Variants in ABCD2 observed in about 807,000 individuals in gnomAD.
ABCD2 encodes ATP-binding cassette sub-family D member 2.
Under a neutral mutation model 70.9 loss-of-function variants are expected in ABCD2, and 36 were observed. That is an observed-to-expected ratio of 0.51 (90% CI 0.39 to 0.67). ABCD2 has a LOEUF of 0.67. ABCD2 is among the 30% of genes least tolerant of loss of function. The pLI, the probability that ABCD2 is intolerant of heterozygous loss-of-function variation, is 0.00. For missense variants in ABCD2, 729 were observed against 890.2 expected, an observed-to-expected ratio of 0.82 and a Z score of 2.30; for synonymous variants, 304 against 306.9, an observed-to-expected ratio of 0.99 and a Z score of 0.10.
At chr12:39,598,265 G>T (rs926898682) in intron 6 of ABCD2, among the ~76,000 whole-genome samples, 1 of 151,940 alleles carries the variant, frequency 6.6e-6, no homozygotes, top group East Asian at 1.9e-4. Flanking sequence ...GAATACAGGG[G>T]GATTATTGTA....
the ABCD2 span, among the ~76,000 whole-genome samples, chr12:39,538,277 C>T: frequency 6.7e-6 from 1 of 150,202 alleles, no homozygotes; most frequent in East Asian, 2.0e-4. Flanking sequence ...TCAAGCGATT[C>T]TCCTGTCTCA....
the ABCD2 span, among the ~76,000 whole-genome samples, chr12:39,531,729 T>A: frequency 6.6e-6 from 1 of 152,248 alleles, no homozygotes; most frequent in African/African-American, 2.4e-5. Flanking sequence ...GGAATCATGC[T>A]TTTTTGTGAG....
At chr12:39,612,707 A>C (rs1442175447) in intron 2 of ABCD2, among the ~76,000 whole-genome samples, 1 of 152,232 alleles carries the variant, frequency 6.6e-6, no homozygotes, top group Admixed American at 6.5e-5. Flanking sequence ...TCATTGGTCA[A>C]AAAGAGTACA....
intron 5 of ABCD2, among the ~76,000 whole-genome samples, chr12:39,602,127 T>TTTTATTTATTTA (rs78767678): frequency 0.013 from 1,941 of 145,276 alleles, 53 homozygotes; most frequent in African/African-American, 0.043. Flanking sequence ...TTTTTAAAAA[T>TTTTATTTATTTA]TTTATTTATT....
chr12:39,591,172 T>A (rs1261108294), intron 6 of ABCD2, among the ~76,000 whole-genome samples: 1 of 152,186 alleles, frequency 6.6e-6, no homozygotes, highest in African/African-American at 2.4e-5. Context: ...TAACTATCAA[T>A]AATTCACATA....
chr12:39,560,857 T>C (rs186318705), intron 9 of ABCD2, among the ~76,000 whole-genome samples: 74 of 152,180 alleles, frequency 4.9e-4, no homozygotes, highest in East Asian at 1.5e-3. Flanking sequence ...CTATAAGATG[T>C]TTTTGGTAAG....
At chr12:39,548,223 G>A (rs551532503), downstream of ABCD2, among the ~76,000 whole-genome samples, 1 of 152,174 alleles carries the variant, frequency 6.6e-6, no homozygotes, top group Admixed American at 6.6e-5. Flanking sequence ...CCACCTGTAG[G>A]CTAATGTAAT....
chr12:39,607,561 T>G, intron 3 of ABCD2, 38 bp downstream of exon 3: 1 of 1,481,022 alleles, frequency 6.8e-7, no homozygotes, highest in Non-Finnish European at 9.3e-7. Context: ...TTTCATAAAT[T>G]TTATTTTAAT....
At chr12:39,532,592 GC>G in the ABCD2 span, among the ~76,000 whole-genome samples, 4 of 152,076 alleles carry the variant, frequency 2.6e-5, no homozygotes, top group Admixed American at 2.0e-4. Flanking sequence ...AAGCTATTCT[GC>G]AGAAATACAC....
rs78313932 is a variant in ABCD2 at position 39,608,853 on chromosome 12, T to G, written c.1121-1139A>C. On this transcript the variant is annotated intron_variant, in intron 2 of 9. Transcript: ENST00000308666. The stretch of plus-strand genomic sequence containing the variant: ...TGCAAATTAGCTGATTCTCATAATC[T>G]AGCCTCTGTCTACCTTTCTCAACCA... Among the ~76,000 whole-genome samples the G allele has an allele frequency of 2.4e-3, 372 of 152,306 alleles. 3 individuals are homozygous for G. Among genetic ancestry groups the G allele is most frequent in the African/African-American group, 8.5e-3 (352 of 41,576 alleles).
chr12:39,596,584 A>G (rs533731267), intron 6 of ABCD2, among the ~76,000 whole-genome samples: 2 of 152,274 alleles, frequency 1.3e-5, no homozygotes, highest in Non-Finnish European at 1.5e-5. Flanking sequence ...CTCAGACTCC[A>G]AAGTCATGGG....
chr12:39,602,824 A>G (rs955971808), intron 5 of ABCD2, among the ~76,000 whole-genome samples: 2 of 152,180 alleles, frequency 1.3e-5, no homozygotes, highest in African/African-American at 2.4e-5. Flanking sequence ...TAAATAGAGC[A>G]ACAAGAATCA....
chr12:39,564,108 A>G (rs1941304076), intron 9 of ABCD2, among the ~76,000 whole-genome samples: 1 of 152,290 alleles, frequency 6.6e-6, no homozygotes, highest in South Asian at 2.1e-4. Context: ...GTGTCTTTAT[A>G]GCAGCATGAT....
intron 8 of ABCD2, among the ~76,000 whole-genome samples, chr12:39,577,968 A>T (rs1235565953): frequency 6.6e-6 from 1 of 152,200 alleles, no homozygotes; most frequent in Admixed American, 6.5e-5. Context: ...TGAATAGCCA[A>T]CTGAGTGCTT....
At chr12:39,580,602 C>T (rs1197246936) in intron 7 of ABCD2, among the ~76,000 whole-genome samples, 1 of 151,918 alleles carries the variant, frequency 6.6e-6, no homozygotes, top group African/African-American at 2.4e-5. Flanking sequence ...ATAAGCCTAC[C>T]TTAATTTTTT....
intron 9 of ABCD2, among the ~76,000 whole-genome samples, chr12:39,570,588 G>T (rs1052481995): frequency 6.6e-6 from 1 of 152,010 alleles, no homozygotes; most frequent in Non-Finnish European, 1.5e-5. Context: ...AACTCAAAAT[G>T]GATTAAAGAC....
In ABCD2 at chr12:39,619,322, T is replaced by A; in HGVS notation, c.294A>T (p.Lys98Asn). 1 of 1,614,080 alleles carries A rather than the reference T, an allele frequency of 6.2e-7. No homozygotes were observed. The highest frequency in any genetic ancestry group is 8.5e-7 in the Non-Finnish European group (1 of 1,180,016). Reference protein sequence around the residue: ...LLELRKILFPKLVTTETGWLC... With the variant: ...LLELRKILFPNLVTTETGWLC... Reference sequence around the variant, plus strand: ...GCCACCCTGTTTCAGTGGTCACAAGTTTTGGAAACAAAATTTTCCGAAGTT... The same window carrying A: ...GCCACCCTGTTTCAGTGGTCACAAGATTTGGAAACAAAATTTTCCGAAGTT... The change falls in exon 1 of 10, where the codon AAA (lysine) becomes AAT (asparagine). Residue 98 changes from lysine to asparagine, a missense_variant. Coordinates refer to ENST00000308666, the MANE Select transcript of ABCD2 (RefSeq NM_005164.4).
At chr12:39,575,610 T>C (rs533242529) in intron 8 of ABCD2, among the ~76,000 whole-genome samples, 106 of 152,316 alleles carry the variant, frequency 7.0e-4, no homozygotes, top group Non-Finnish European at 1.2e-3. Flanking sequence ...TGCTTAGTAC[T>C]TCCTGCTAAA....
intron 9 of ABCD2, among the ~76,000 whole-genome samples, chr12:39,569,608 C>T (rs540428588): frequency 3.3e-4 from 50 of 152,278 alleles, no homozygotes; most frequent in South Asian, 6.2e-4. Context: ...CTTCGCCTCA[C>T]GCTCGGTGGT....
Sources: gnomAD v4.1 joint callset for allele counts (sites outside exome capture counted in the v4.1 genomes callset) on GRCh38, gnomAD v4.1.1 for gene constraint, MANE v1.5 for transcripts, NCBI Gene and HGNC (gene_info 2026-07-23, HGNC 2026-07-21) for gene names.